Variants in PTK2B observed in about 807,000 individuals in gnomAD.
PTK2B encodes protein tyrosine kinase 2 beta.
PTK2B carries 71 observed loss-of-function variants against 142.9 expected under a neutral mutation model. The observed-to-expected ratio is 0.50, with a 90% CI of 0.41 to 0.61. The LOEUF (loss-of-function observed/expected upper bound fraction) is 0.61, where lower values mean the gene tolerates loss of function less well. PTK2B is among the 20% of genes least tolerant of loss of function. The pLI, the probability that PTK2B is intolerant of heterozygous loss-of-function variation, is 0.00. For synonymous variants in PTK2B, 519 were observed against 503.4 expected (o/e 1.03, Z -0.42); for missense variants, 1,105 against 1,320.4 (o/e 0.84, Z 2.53).
intron 1 of PTK2B, among the ~76,000 whole-genome samples, chr8:27,340,406 A>G (rs1804326633): frequency 6.6e-6 from 1 of 152,210 alleles, no homozygotes; most frequent in African/African-American, 2.4e-5. Context: ...AAAGATAAGA[A>G]GGCACTGAAG....
intron 1 of PTK2B, among the ~76,000 whole-genome samples, chr8:27,337,024 C>T (rs965462352): frequency 1.5e-5 from 2 of 131,648 alleles, no homozygotes; most frequent in Non-Finnish European, 3.1e-5. Context: ...CTAATTAATA[C>T]TTATTGATGA....
chr8:27,393,959 G>A (rs1279435642), intron 1 of PTK2B, among the ~76,000 whole-genome samples: 1 of 152,104 alleles, frequency 6.6e-6, no homozygotes, highest in Non-Finnish European at 1.5e-5. Context: ...ACAGTCACCT[G>A]TCACTTAAGG....
chr8:27,458,453 G>A lies in PTK2B; in HGVS notation c.2974G>A (p.Asp992Asn). 7 of 1,603,156 alleles carry A rather than the reference G, an allele frequency of 4.4e-6. No individual in the cohort carries two copies. The highest frequency in any genetic ancestry group is 2.7e-5 in the African/African-American group (2 of 74,832). ...TLAVDAKNLL[D>N]AVDQAKVLAN... is the part of the protein sequence containing the mutation. Reference sequence around the variant, plus strand: ...GGCTGTGGACGCCAAGAACCTGCTCGACGCTGTGGACCAGGCCAAGGTTCT... The same window carrying A: ...GGCTGTGGACGCCAAGAACCTGCTCAACGCTGTGGACCAGGCCAAGGTTCT... Residue 992 changes from aspartate to asparagine, a missense_variant, in exon 31 of 31, where the codon GAC (aspartate) becomes AAC (asparagine). Physicochemically the swap from Asp to Asn is conservative, Grantham distance 23 (BLOSUM62 1). Transcript: ENST00000346049.
At chr8:27,312,900 A>G (rs968130484) in intron 2 of PTK2B, among the ~76,000 whole-genome samples, 1 of 152,182 alleles carries the variant, frequency 6.6e-6, no homozygotes, top group African/African-American at 2.4e-5. Flanking sequence ...TAGGGGTAGA[A>G]GGTGTCTGAG....
At chr8:27,439,193 G>T (rs1413195554) in intron 19 of PTK2B, 62 bp downstream of exon 19, 3 of 1,573,218 alleles carry the variant, frequency 1.9e-6, no homozygotes, top group Non-Finnish European at 2.6e-6. Flanking sequence ...AAAAATTCCA[G>T]AAGAAGGAAG....
intron 1 of PTK2B, among the ~76,000 whole-genome samples, chr8:27,368,848 C>T (rs1429452003): frequency 6.6e-6 from 1 of 152,068 alleles, no homozygotes; most frequent in East Asian, 1.9e-4. Context: ...CTGCCCTGGG[C>T]CCCGGAGACC....
chr8:27,426,318 T>G (rs553235830), intron 5 of PTK2B, among the ~76,000 whole-genome samples: 1 of 152,334 alleles, frequency 6.6e-6, no homozygotes, highest in African/African-American at 2.4e-5. Context: ...GATTATAGAC[T>G]CCACCGCTGT....
intron 1 of PTK2B, among the ~76,000 whole-genome samples, chr8:27,369,336 T>G (rs1456313175): frequency 1.3e-5 from 2 of 152,112 alleles, no homozygotes; most frequent in Non-Finnish European, 2.9e-5. Context: ...GGTTTCTATC[T>G]GCAAAGAACC....
intron 1 of PTK2B, among the ~76,000 whole-genome samples, chr8:27,349,119 A>T (rs1048048424): frequency 2.0e-5 from 3 of 152,134 alleles, no homozygotes; most frequent in African/African-American, 7.2e-5. Context: ...TGGTGTCCTT[A>T]TTAGAAATTG....
At chr8:27,439,568 G>A (rs1366641072) in intron 20 of PTK2B, among the ~76,000 whole-genome samples, 170 bp downstream of exon 20, 4 of 152,120 alleles carry the variant, frequency 2.6e-5, no homozygotes, top group African/African-American at 4.8e-5. Flanking sequence ...AGTAGGGGTA[G>A]GAAGGGGAGT....
At chr8:27,358,239 C>T (rs985149813) in intron 1 of PTK2B, among the ~76,000 whole-genome samples, 2 of 152,174 alleles carry the variant, frequency 1.3e-5, no homozygotes, top group African/African-American at 4.8e-5. Context: ...GTTAAGCCAT[C>T]CTCAGTTGAG....
At chr8:27,350,847 A>T (rs930481525) in intron 1 of PTK2B, among the ~76,000 whole-genome samples, 2 of 150,012 alleles carry the variant, frequency 1.3e-5, no homozygotes, top group Non-Finnish European at 3.0e-5. Flanking sequence ...TTGGTGGCAC[A>T]TGCCTGTAAT....
chr8:27,410,879 A>T (rs1400761906), intron 2 of PTK2B, among the ~76,000 whole-genome samples: 1 of 152,176 alleles, frequency 6.6e-6, no homozygotes, highest in African/African-American at 2.4e-5. Flanking sequence ...AAAGCAACTA[A>T]ATCAGTGTTA....
At chr8:27,340,557 G>A (rs1442966548) in intron 1 of PTK2B, among the ~76,000 whole-genome samples, 1 of 152,260 alleles carries the variant, frequency 6.6e-6, no homozygotes, top group Non-Finnish European at 1.5e-5. Flanking sequence ...GTGACAGGAA[G>A]CAATAGGATA....
intron 18 of PTK2B, 48 bp downstream of exon 18, chr8:27,437,928 A>G: frequency 6.8e-7 from 1 of 1,472,158 alleles, no homozygotes. Flanking sequence ...GGCCTTCACC[A>G]GATCCTCAAG....
chr8:27,328,822 C>G (rs1285417404), intron 1 of PTK2B, among the ~76,000 whole-genome samples: 1 of 152,204 alleles, frequency 6.6e-6, no homozygotes, highest in Non-Finnish European at 1.5e-5. Flanking sequence ...GGGGACCAAG[C>G]AGGTCGTTCA....
chr8:27,412,054 A>G (rs915015097), intron 2 of PTK2B, among the ~76,000 whole-genome samples: 1 of 152,214 alleles, frequency 6.6e-6, no homozygotes, highest in African/African-American at 2.4e-5. Flanking sequence ...TCATATCCTC[A>G]CAAGGCTTTG....
In PTK2B at chr8:27,414,818, C is replaced by A. The variant is rs554125352; in HGVS notation, c.205-5077C>A. Among the ~76,000 whole-genome samples the A allele has an allele frequency of 4.6e-5, 7 of 152,126 alleles. No homozygotes were observed. The East Asian group carries it at 1.2e-3, about 25-fold the overall frequency. ...TTTGGTTACTTCTTTGCTCACTCCC[C>A]CTGTTTGGTTCTTTGCTCACTCCCT... is the stretch of plus-strand genomic sequence containing the variant. On this transcript the variant is annotated intron_variant, in intron 2 of 30. Transcript: ENST00000346049.
At chr8:27,360,888 A>G (rs1247089014) in intron 1 of PTK2B, among the ~76,000 whole-genome samples, 1 of 152,174 alleles carries the variant, frequency 6.6e-6, no homozygotes, top group East Asian at 1.9e-4. Flanking sequence ...TATTCTCGAA[A>G]TAAAACGTGT....
Sources: gnomAD v4.1 joint callset for allele counts (sites outside exome capture counted in the v4.1 genomes callset) on GRCh38, gnomAD v4.1.1 for gene constraint, MANE v1.5 for transcripts, NCBI Gene and HGNC (gene_info 2026-07-23, HGNC 2026-07-21) for gene names.